The following PTPRE variants were observed in gnomAD, a reference collection of about 807,000 sequenced individuals.
PTPRE encodes the protein receptor-type tyrosine-protein phosphatase epsilon.
A neutral mutation model predicts 102.0 loss-of-function variants in PTPRE; 51 were observed. That is an observed-to-expected ratio of 0.50 (90% CI 0.40 to 0.63). PTPRE has a LOEUF of 0.63. PTPRE is among the 30% of genes least tolerant of loss of function. The pLI is 0.00. For synonymous variants in PTPRE, 345 were observed against 348.2 expected (o/e 0.99, Z 0.10); for missense variants, 752 against 915.1 (o/e 0.82, Z 2.30).
At chr10:128,068,497 CCA>C in intron 12 of PTPRE, 1 of 456,946 alleles carries the variant, frequency 2.2e-6, no homozygotes. Context: ...TCGATAAAAC[CCA>C]CCAAAGCCAG....
intron 2 of PTPRE, among the ~76,000 whole-genome samples, chr10:128,034,325 A>ACCC (rs58597055): frequency 2.0e-5 from 3 of 147,156 alleles, no homozygotes; most frequent in African/African-American, 5.1e-5. Context: ...CCTCCACACC[A>ACCC]CCCCCCCCAC....
chr10:127,919,446 C>G (rs977162581), intron 1 of PTPRE, among the ~76,000 whole-genome samples: 3 of 152,220 alleles, frequency 2.0e-5, no homozygotes, highest in African/African-American at 7.2e-5. Flanking sequence ...GGGCACGCTG[C>G]CTGCTCCTGC....
intron 5 of PTPRE, among the ~76,000 whole-genome samples, chr10:128,049,176 A>T (rs767915811): frequency 1.2e-4 from 18 of 145,162 alleles, no homozygotes; most frequent in Admixed American, 5.5e-4. Context: ...TGAGCTGGAG[A>T]GTGAGGCCGT....
intron 1 of PTPRE, among the ~76,000 whole-genome samples, chr10:127,910,868 G>A (rs542335991): frequency 6.6e-6 from 1 of 152,104 alleles, no homozygotes; most frequent in South Asian, 2.1e-4. Context: ...CAGATCACTT[G>A]AGGCCAGGAA....
chr10:128,048,292 T>C (rs915167845), intron 5 of PTPRE, among the ~76,000 whole-genome samples: 1 of 152,202 alleles, frequency 6.6e-6, no homozygotes, highest in Non-Finnish European at 1.5e-5. Flanking sequence ...TTTCCAACTT[T>C]TCCATCCGAA....
rs544164745 is a variant in PTPRE at position 128,020,087 on chromosome 10, C to G, written c.-7-20788C>G. 7.9e-5 allele frequency among the ~76,000 whole-genome samples: 12 copies of G among 152,296 alleles called. No homozygotes were observed. In the South Asian group the frequency reaches 8.3e-4, roughly 11 times the overall value. On this transcript the variant is annotated intron_variant, in intron 2 of 20. Transcript: ENST00000254667. The stretch of plus-strand genomic sequence containing the variant: ...GTGTGTGTGTGTGTGCGTGCACATG[C>G]ACGCTGGACACAGGGCTGTGGCGTG...
At chr10:127,930,056 C>A in intron 1 of PTPRE, among the ~76,000 whole-genome samples, 2 of 120,990 alleles carry the variant, frequency 1.7e-5, no homozygotes, top group African/African-American at 6.2e-5. Flanking sequence ...AGGCAGATTC[C>A]ATCTCAAAAA....
intron 2 of PTPRE, among the ~76,000 whole-genome samples, chr10:128,004,301 CAT>C (rs1416332972): frequency 6.6e-6 from 1 of 151,772 alleles, no homozygotes; most frequent in African/African-American, 2.4e-5. Context: ...ATTCACATAA[CAT>C]AAAATTCACC....
intron 2 of PTPRE, among the ~76,000 whole-genome samples, chr10:128,032,217 T>A (rs1290850880): frequency 6.6e-6 from 1 of 152,086 alleles, no homozygotes; most frequent in Non-Finnish European, 1.5e-5. Flanking sequence ...GGTTATACCA[T>A]ATTGGCCACA....
At chr10:128,075,808 C>A (rs1474119350) in intron 17 of PTPRE, among the ~76,000 whole-genome samples, 1 of 152,106 alleles carries the variant, frequency 6.6e-6, no homozygotes, top group Non-Finnish European at 1.5e-5. Context: ...CAAGGTCAAC[C>A]CCATCACTTC....
At chr10:127,931,175 C>T (rs975242069) in intron 1 of PTPRE, among the ~76,000 whole-genome samples, 1 of 152,140 alleles carries the variant, frequency 6.6e-6, no homozygotes. Context: ...TTGCATTTCC[C>T]TAGTGACTCA....
At chr10:128,076,792 C>A in intron 18 of PTPRE, 64 bp downstream of exon 18, 1 of 1,594,894 alleles carries the variant, frequency 6.3e-7, no homozygotes, top group Non-Finnish European at 8.5e-7. Context: ...CCTCTGGGTT[C>A]TGCTTGTCAT....
intron 2 of PTPRE, among the ~76,000 whole-genome samples, chr10:127,990,411 C>CAAAAAAAAAAAAAAAAAAA (rs60034358): frequency 4.6e-5 from 3 of 65,730 alleles, no homozygotes; most frequent in Non-Finnish European, 5.8e-5. Flanking sequence ...GACTCCACCT[C>CAAAAAAAAAAAAAAAAAAA]AAAAAAAAAA....
intron 2 of PTPRE, among the ~76,000 whole-genome samples, chr10:128,027,480 C>A (rs1846368441): frequency 6.6e-6 from 1 of 152,158 alleles, no homozygotes; most frequent in African/African-American, 2.4e-5. Context: ...CCAGGAATGC[C>A]ATTTCCCTGC....
chr10:127,993,910 G>A (rs980587641), intron 2 of PTPRE, among the ~76,000 whole-genome samples: 1 of 152,004 alleles, frequency 6.6e-6, no homozygotes, highest in African/African-American at 2.4e-5. Context: ...TTGAGGAGTT[G>A]GGGGAGTCTC....
At chr10:127,969,843 G>T (rs372021308) in intron 1 of PTPRE, among the ~76,000 whole-genome samples, 1 of 152,094 alleles carries the variant, frequency 6.6e-6, no homozygotes, top group African/African-American at 2.4e-5. Flanking sequence ...ACGTGCCTCC[G>T]GCACTTCATG....
intron 1 of PTPRE, among the ~76,000 whole-genome samples, chr10:127,947,294 A>AGAG (rs1478800601): frequency 6.6e-6 from 1 of 152,212 alleles, no homozygotes. Context: ...AAAAATTCTC[A>AGAG]GAGGTATGTT....
intron 1 of PTPRE, among the ~76,000 whole-genome samples, chr10:127,977,429 T>G (rs756129356): frequency 6.6e-6 from 1 of 152,246 alleles, no homozygotes; most frequent in Non-Finnish European, 1.5e-5. Flanking sequence ...TCTTCAAGGT[T>G]GCTACTCGTT....
intron 1 of PTPRE, among the ~76,000 whole-genome samples, chr10:127,963,308 C>T (rs1035692841): frequency 1.3e-5 from 2 of 152,186 alleles, no homozygotes; most frequent in African/African-American, 4.8e-5. Flanking sequence ...CCCATTCCTC[C>T]CTCTCCTGTC....
Sources: gnomAD v4.1 joint callset for allele counts (sites outside exome capture counted in the v4.1 genomes callset) on GRCh38, gnomAD v4.1.1 for gene constraint, MANE v1.5 for transcripts, NCBI Gene and HGNC (gene_info 2026-07-23, HGNC 2026-07-21) for gene names.